AFAP1L1: variants seen among roughly 807,000 people sequenced by gnomAD.
AFAP1L1 encodes actin filament-associated protein 1-like 1.
Under a neutral mutation model 99.8 loss-of-function variants are expected in AFAP1L1, and 77 were observed. The ratio of observed to expected loss-of-function variants is 0.77; its 90% CI spans 0.64 to 0.93. The LOEUF (loss-of-function observed/expected upper bound fraction) is 0.93, where lower values mean the gene tolerates loss of function less well. Ranked by LOEUF, AFAP1L1 falls within the 40% of genes least tolerant of loss-of-function variation. The pLI is 0.00. For synonymous variants in AFAP1L1, 373 were observed against 395.3 expected (o/e 0.94, Z 0.67); for missense variants, 893 against 996.8 (o/e 0.90, Z 1.40).
chr5:149,313,056 G>A (rs1281148579), intron 9 of AFAP1L1, among the ~76,000 whole-genome samples: 1 of 151,950 alleles, frequency 6.6e-6, no homozygotes, highest in Non-Finnish European at 1.5e-5. Context: ...GAACCGGGAG[G>A]CAGAGGTTGT....
chr5:149,276,528 A>G (rs1172079925), intron 1 of AFAP1L1, among the ~76,000 whole-genome samples: 2 of 152,224 alleles, frequency 1.3e-5, no homozygotes, highest in Non-Finnish European at 2.9e-5. Context: ...TCATACATCT[A>G]AAGCAAATGG....
chr5:149,279,587 C>G (rs1755450245), intron 1 of AFAP1L1, among the ~76,000 whole-genome samples: 1 of 152,170 alleles, frequency 6.6e-6, no homozygotes, highest in South Asian at 2.1e-4. Context: ...CAATTAAGGA[C>G]AGTTATTTAT....
intron 18 of AFAP1L1, among the ~76,000 whole-genome samples, chr5:149,339,751 G>C (rs998306135): frequency 6.6e-6 from 1 of 152,182 alleles, no homozygotes; most frequent in African/African-American, 2.4e-5. Flanking sequence ...GGAAGGTTTT[G>C]AGCAAAGGGT....
At chr5:149,302,660 G>A in intron 5 of AFAP1L1, 134 bp downstream of exon 5, 1 of 814,866 alleles carries the variant, frequency 1.2e-6, no homozygotes, top group Non-Finnish European at 1.9e-6. Flanking sequence ...TGGCTTAGGA[G>A]AAGCTACCCT....
chr5:149,272,083 G>T, intron 1 of AFAP1L1, 99 bp downstream of exon 1: 1 of 1,136,702 alleles, frequency 8.8e-7, no homozygotes, highest in Non-Finnish European at 1.1e-6. Context: ...GAGGCGGGCG[G>T]TGGGGCGGGG....
At chr5:149,330,814 G>T (rs1282015739) in intron 16 of AFAP1L1, among the ~76,000 whole-genome samples, 1 of 151,984 alleles carries the variant, frequency 6.6e-6, no homozygotes, top group Non-Finnish European at 1.5e-5. Flanking sequence ...TTTATTGTTT[G>T]CCACAGACAC....
chr5:149,295,392 G>C (rs1755984229), intron 1 of AFAP1L1, among the ~76,000 whole-genome samples: 1 of 152,198 alleles, frequency 6.6e-6, no homozygotes, highest in Non-Finnish European at 1.5e-5. Context: ...GAACCAAACT[G>C]TTCTTACTTT....
chr5:149,330,362 A>C (rs1757220458), intron 16 of AFAP1L1, among the ~76,000 whole-genome samples: 1 of 152,192 alleles, frequency 6.6e-6, no homozygotes, highest in Non-Finnish European at 1.5e-5. Context: ...GTAGTTTGAC[A>C]CACTTTAAGC....
At chr5:149,300,383 C>A in intron 3 of AFAP1L1, 29 bp downstream of exon 3, 1 of 1,588,400 alleles carries the variant, frequency 6.3e-7, no homozygotes, top group East Asian at 2.3e-5. Flanking sequence ...ACCTCAGCTA[C>A]GGAGCCATCC....
intron 9 of AFAP1L1, among the ~76,000 whole-genome samples, chr5:149,315,370 T>C (rs1581326935): frequency 6.6e-6 from 1 of 152,280 alleles, no homozygotes; most frequent in East Asian, 1.9e-4. Flanking sequence ...TGGTTCATGC[T>C]CTTGTCGAGT....
intron 1 of AFAP1L1, among the ~76,000 whole-genome samples, chr5:149,275,594 C>T (rs1755292512): frequency 6.6e-6 from 1 of 152,030 alleles, no homozygotes; most frequent in Non-Finnish European, 1.5e-5. Flanking sequence ...CAAGCTCCGC[C>T]TCCTTGGTTC....
At chr5:149,279,898 T>A (rs897370444) in intron 1 of AFAP1L1, among the ~76,000 whole-genome samples, 1 of 152,218 alleles carries the variant, frequency 6.6e-6, no homozygotes, top group Non-Finnish European at 1.5e-5. Context: ...CTGTTGTAGA[T>A]GTTCAGAGCA....
Position 149,282,368 on chromosome 5 carries a change from G to A in AFAP1L1, c.16+10384G>A, listed in dbSNP as rs1049166170. Among the ~76,000 whole-genome samples, 11 of 152,318 alleles carry A rather than the reference G, an allele frequency of 7.2e-5. No individual in the cohort carries two copies. The East Asian group carries it at 9.6e-4, about 13-fold the overall frequency. On this transcript the variant is annotated intron_variant, in intron 1 of 18. Transcript: ENST00000296721. ...TCCCTCAACCATGTAGTCCCCAGATGCCTGCAGTTCAACTTAGGGCAAGAG... is the reference window on the plus strand; with the variant it reads ...TCCCTCAACCATGTAGTCCCCAGATACCTGCAGTTCAACTTAGGGCAAGAG...
At chr5:149,331,121 T>C (rs934773386) in intron 16 of AFAP1L1, among the ~76,000 whole-genome samples, 1 of 152,040 alleles carries the variant, frequency 6.6e-6, no homozygotes, top group African/African-American at 2.4e-5. Context: ...AGAAAGGTAC[T>C]AATATAGGTT....
At chr5:149,284,090 G>A (rs544231883) in intron 1 of AFAP1L1, among the ~76,000 whole-genome samples, 31 of 152,332 alleles carry the variant, frequency 2.0e-4, no homozygotes, top group East Asian at 9.6e-4. Flanking sequence ...GGAGAAAATC[G>A]TGGAAAGAAG....
chr5:149,333,624 A>G (rs1021587614), intron 17 of AFAP1L1, among the ~76,000 whole-genome samples: 17 of 152,186 alleles, frequency 1.1e-4, no homozygotes, highest in African/African-American at 3.9e-4. Context: ...AACACTACTG[A>G]CATTTTGGAC....
At chr5:149,311,831 G>A (rs929577952) in intron 8 of AFAP1L1, among the ~76,000 whole-genome samples, 4 of 152,186 alleles carry the variant, frequency 2.6e-5, no homozygotes, top group African/African-American at 9.7e-5. Flanking sequence ...TGGACACTGA[G>A]GCCCAGAGCA....
At chr5:149,307,881 C>G (rs911327768) in intron 7 of AFAP1L1, among the ~76,000 whole-genome samples, 8 of 120,278 alleles carry the variant, frequency 6.7e-5, no homozygotes, top group African/African-American at 2.5e-4. Flanking sequence ...CTGGGCTAGG[C>G]ACGGTGGCTC....
At chr5:149,326,781 G>A (rs937684392) in intron 15 of AFAP1L1, among the ~76,000 whole-genome samples, 3 of 152,054 alleles carry the variant, frequency 2.0e-5, no homozygotes, top group African/African-American at 7.2e-5. Context: ...GAGGCCGACT[G>A]CTTAACAGGA....
Sources: allele counts gnomAD v4.1 joint callset (sites outside exome capture counted in the v4.1 genomes callset), GRCh38; gene constraint gnomAD v4.1.1; transcripts MANE v1.5; gene names NCBI Gene and HGNC (gene_info 2026-07-23, HGNC 2026-07-21).